The following BMPR2 variants were observed in gnomAD, a reference collection of about 807,000 sequenced individuals.
BMPR2 encodes the protein bone morphogenetic protein receptor type 2.
Under a neutral mutation model 100.8 loss-of-function variants are expected in BMPR2, and 29 were observed. The ratio of observed to expected loss-of-function variants is 0.29; its 90% CI spans 0.21 to 0.39. The LOEUF is 0.39. BMPR2 is among the 10% of genes least tolerant of loss of function. The pLI is 1.00. For synonymous variants in BMPR2, 382 were observed against 442.3 expected (o/e 0.86, Z 1.71); for missense variants, 1,011 against 1,274.5 (o/e 0.79, Z 3.15).
At chr2:202,476,655 G>A (rs1327105214) in intron 3 of BMPR2, among the ~76,000 whole-genome samples, 1 of 152,122 alleles carries the variant, frequency 6.6e-6, no homozygotes, top group Admixed American at 6.5e-5. Context: ...TGGGTGTGGT[G>A]GCATGCGCCT....
chr2:202,444,579 T>G (rs1019375623), intron 1 of BMPR2, among the ~76,000 whole-genome samples: 7 of 150,698 alleles, frequency 4.6e-5, no homozygotes, highest in African/African-American at 1.7e-4. Flanking sequence ...TGGAACACTT[T>G]TGTGTTGAAA....
chr2:202,480,097 TTTTTA>T (rs1344647509), intron 3 of BMPR2, among the ~76,000 whole-genome samples: 11 of 152,074 alleles, frequency 7.2e-5, no homozygotes, highest in Admixed American at 7.2e-4. Context: ...AATTTATCTT[TTTTTA>T]TTTTGTCACT....
intron 1 of BMPR2, among the ~76,000 whole-genome samples, chr2:202,392,069 C>T (rs542404228): frequency 6.7e-6 from 1 of 149,604 alleles, no homozygotes; most frequent in Non-Finnish European, 1.5e-5. Flanking sequence ...CTACAGTCTA[C>T]ACTCTTTTTT....
At chr2:202,535,490 G>C (rs570542345) in intron 9 of BMPR2, among the ~76,000 whole-genome samples, 22 of 151,268 alleles carry the variant, frequency 1.5e-4, no homozygotes, top group African/African-American at 5.1e-4. Flanking sequence ...GACGATGGGC[G>C]GCCGGGCAGA....
chr2:202,399,854 A>G (rs932133269), intron 1 of BMPR2, among the ~76,000 whole-genome samples: 1 of 152,186 alleles, frequency 6.6e-6, no homozygotes, highest in East Asian at 1.9e-4. Flanking sequence ...GCCAATGCCT[A>G]TAATCCCAGC....
intron 1 of BMPR2, among the ~76,000 whole-genome samples, chr2:202,382,783 G>A (rs565220916): frequency 2.6e-5 from 4 of 152,054 alleles, no homozygotes; most frequent in Non-Finnish European, 5.9e-5. Context: ...ATATGATTCC[G>A]GGCAAATAGG....
rs147197594 is a variant in BMPR2, at chr2:202,518,787, A to T, written c.622-35A>T. The T allele has an allele frequency of 1.7e-3, 2,523 of 1,514,822 alleles. 3 individuals are homozygous for T. The highest frequency in any genetic ancestry group is 1.9e-3 in the Non-Finnish European group (2,105 of 1,090,226). The allele number at this position is 1,514,822 out of a possible 1,614,324, so 93.8% of individuals were successfully genotyped here. On this transcript the variant is annotated intron_variant, in intron 5 of 12. Transcript: ENST00000374580. ...TAGTAAATTTGATTGTTCAATTGTG[A>T]TATTAATACCTTGCTTTCTTTAAAA...
chr2:202,550,078 A>T (rs910638952), intron 10 of BMPR2, among the ~76,000 whole-genome samples: 2 of 152,092 alleles, frequency 1.3e-5, no homozygotes, highest in African/African-American at 2.4e-5. Flanking sequence ...GCTAATTTTT[A>T]AAAATTTTTG....
chr2:202,450,475 T>TGAGGTTGG (rs1691956190), intron 1 of BMPR2, among the ~76,000 whole-genome samples: 1 of 152,148 alleles, frequency 6.6e-6, no homozygotes, highest in Non-Finnish European at 1.5e-5. Flanking sequence ...GTGGATCACC[T>TGAGGTTGG]GAGGTTGGGA....
At chr2:202,439,797 AG>A (rs1691695733) in intron 1 of BMPR2, among the ~76,000 whole-genome samples, 1 of 134,946 alleles carries the variant, frequency 7.4e-6, no homozygotes, top group Non-Finnish European at 1.6e-5. Flanking sequence ...TTTCTCGGAG[AG>A]GGGGATTTGG....
chr2:202,555,256 C>G lies in BMPR2; in HGVS notation c.1591C>G (p.Leu531Val), dbSNP rs1307330370. The change falls in exon 12 of 13, where the codon CTG (leucine) becomes GTG (valine). Residue 531 changes from leucine (L) to valine (V), a missense_variant. Physicochemically the swap from Leu to Val is conservative, Grantham distance 32. This residue lies in a region of BMPR2 where 508 missense variants were observed against 552.0 expected (regional missense o/e 0.92). Coordinates refer to ENST00000374580, the MANE Select transcript of BMPR2 (RefSeq NM_001204.7). ...MSTAMQNERN[L>V]SHNRRVPKIG... ...TACTTTTTTTCTTTCTTTAAGCAAC[C>G]TGTCACATAATAGGCGTGTGCCAAA... is the stretch of plus-strand genomic sequence containing the variant. 9 of 1,613,792 alleles carry G rather than the reference C, an allele frequency of 5.6e-6. No homozygotes were observed. Among genetic ancestry groups the G allele is most frequent in the Non-Finnish European group, 6.8e-6 (8 of 1,179,738 alleles).
At chr2:202,409,449 C>T (rs1690968274) in intron 1 of BMPR2, among the ~76,000 whole-genome samples, 1 of 152,128 alleles carries the variant, frequency 6.6e-6, no homozygotes, top group South Asian at 2.1e-4. Flanking sequence ...GACATGGTGG[C>T]TCATGACTGT....
intron 1 of BMPR2, among the ~76,000 whole-genome samples, chr2:202,437,773 C>T (rs1355753711): frequency 6.6e-6 from 1 of 150,586 alleles, no homozygotes; most frequent in Non-Finnish European, 1.5e-5. Flanking sequence ...CAGGGTCCAT[C>T]CATGTTGTAA....
At chr2:202,519,288 G>A (rs1177651704) in intron 6 of BMPR2, among the ~76,000 whole-genome samples, 5 of 152,136 alleles carry the variant, frequency 3.3e-5, no homozygotes, top group East Asian at 1.9e-4. Flanking sequence ...GCTTGAACCC[G>A]GTAGGCGGAG....
rs1692001995 is a variant in BMPR2, at chr2:202,452,104, A to G, written c.77-12705A>G. Among the ~76,000 whole-genome samples the G allele has an allele frequency of 1.3e-5, 2 of 151,972 alleles. 1 individual carries two copies. Among genetic ancestry groups the G allele is most frequent in the African/African-American group, 4.8e-5 (2 of 41,384 alleles). On this transcript the variant is annotated intron_variant, in intron 1 of 12. Transcript: ENST00000374580. ...TAATAGTCATGAAACTCCCCACCAT[A>G]CTCAACATACAGTACATTTTTATCA...
At chr2:202,447,587 G>T (rs971120290) in intron 1 of BMPR2, among the ~76,000 whole-genome samples, 1 of 150,468 alleles carries the variant, frequency 6.6e-6, no homozygotes, top group Non-Finnish European at 1.5e-5. Context: ...GGCTGAGCTG[G>T]GAGGATCCCT....
chr2:202,476,260 A>T (rs895297496), intron 3 of BMPR2, among the ~76,000 whole-genome samples: 3 of 151,652 alleles, frequency 2.0e-5, no homozygotes, highest in Non-Finnish European at 4.4e-5. Context: ...TTCCAATTCC[A>T]TGTGTCCCTC....
intron 9 of BMPR2, among the ~76,000 whole-genome samples, chr2:202,540,497 C>G (rs1394895806): frequency 6.6e-6 from 1 of 152,144 alleles, no homozygotes; most frequent in Non-Finnish European, 1.5e-5. Context: ...GTGAAACTCA[C>G]TTGTATTTAT....
Position 202,436,887 on chromosome 2 carries a change from G to A in BMPR2, c.77-27922G>A, listed in dbSNP as rs147336925. On this transcript the variant is annotated intron_variant, in intron 1 of 12. Coordinates refer to ENST00000374580, the MANE Select transcript of BMPR2 (RefSeq NM_001204.7). Reference sequence around the variant, plus strand: ...TTACTAGGTCTTCGCAAAATATTTCGCCTTGCAGTAAGAATTGTGTTCCTC... The same window carrying A: ...TTACTAGGTCTTCGCAAAATATTTCACCTTGCAGTAAGAATTGTGTTCCTC... Among the ~76,000 whole-genome samples, 299 of 150,660 alleles carry A rather than the reference G, an allele frequency of 2.0e-3. 28 individuals are homozygous for A. Among genetic ancestry groups the A allele is most frequent in the African/African-American group, 5.5e-3 (219 of 40,058 alleles).
Sources: allele counts gnomAD v4.1 joint callset (sites outside exome capture counted in the v4.1 genomes callset), GRCh38; gene constraint gnomAD v4.1.1; regional missense constraint gnomAD v4.1.1; transcripts MANE v1.5; gene names NCBI Gene and HGNC (gene_info 2026-07-23, HGNC 2026-07-21).